PTBP3: variants seen among roughly 807,000 people sequenced by gnomAD.
PTBP3 encodes the protein polypyrimidine tract-binding protein 3.
A neutral mutation model predicts 58.7 loss-of-function variants in PTBP3; 20 were observed. That is an observed-to-expected ratio of 0.34 (90% CI 0.24 to 0.50). PTBP3 has a LOEUF of 0.50. Ranked by LOEUF, PTBP3 falls within the 20% of genes least tolerant of loss-of-function variation. The pLI, the probability that PTBP3 is intolerant of heterozygous loss-of-function variation, is 0.98. For missense variants in PTBP3, 509 were observed against 637.2 expected, an observed-to-expected ratio of 0.80 and a Z score of 2.17; for synonymous variants, 185 against 219.8, an observed-to-expected ratio of 0.84 and a Z score of 1.40.
chr9:112,262,414 A>T lies in PTBP3; in HGVS notation c.516+21T>A, dbSNP rs766618911. ...GGCCATATTTAACTTAACTTTCTTAAGGGTATTTATTCCTCCTTACCTGAT... is the reference window on the plus strand; with the variant it reads ...GGCCATATTTAACTTAACTTTCTTATGGGTATTTATTCCTCCTTACCTGAT... On this transcript the variant is annotated intron_variant, in intron 5 of 13. Coordinates refer to ENST00000374257, the MANE Select transcript of PTBP3 (RefSeq NM_001163788.4). The T allele has an allele frequency of 1.9e-6, 3 of 1,539,634 alleles. No homozygotes were observed. In the South Asian group the frequency reaches 3.9e-5, roughly 20 times the overall value.
chr9:112,279,045 A>G (rs1019673029), intron 2 of PTBP3, among the ~76,000 whole-genome samples: 4 of 152,174 alleles, frequency 2.6e-5, no homozygotes, highest in African/African-American at 7.2e-5. Context: ...TTATTACTAT[A>G]TGAAATCTCA....
chr9:112,372,563 T>C, the PTBP3 span, among the ~76,000 whole-genome samples: 2 of 152,200 alleles, frequency 1.3e-5, no homozygotes, highest in Admixed American at 1.3e-4. Context: ...AGTTACTCTC[T>C]ATTGCCCCCT....
At position 112,302,616 on chromosome 9, in the gene PTBP3, T is replaced by C. The variant is rs943238933; in HGVS notation, c.-51-4700A>G. ...TTTTTTTTTTTTTTTGGAGACAAGG[T>C]CTTGCTCTGTCACCCAGGCTGGAGT... is the stretch of plus-strand genomic sequence containing the variant. On this transcript the variant is annotated intron_variant, in intron 1 of 13. Coordinates refer to ENST00000374257, the MANE Select transcript of PTBP3 (RefSeq NM_001163788.4). Among the ~76,000 whole-genome samples, 4 of 121,198 alleles carry C rather than the reference T, an allele frequency of 3.3e-5. 1 individual carries two copies. The South Asian group carries it at 8.7e-4, about 26-fold the overall frequency. The allele number at this position is 121,198 out of a possible 152,430, so 79.5% of individuals were successfully genotyped here. A position where few individuals can be genotyped will look rare whatever the true frequency, so the allele number is the denominator to read the frequency against.
the PTBP3 span, among the ~76,000 whole-genome samples, chr9:112,352,594 C>T: frequency 3.3e-3 from 507 of 152,296 alleles, 1 homozygote; most frequent in African/African-American, 0.011. Flanking sequence ...TTAATTTTTC[C>T]GTGGTGCACC....
At chr9:112,230,866 T>G (rs900954895) in intron 10 of PTBP3, among the ~76,000 whole-genome samples, 2 of 152,208 alleles carry the variant, frequency 1.3e-5, no homozygotes, top group African/African-American at 4.8e-5. Context: ...ATTATACCAC[T>G]CTCTTGCCTT....
intron 4 of PTBP3, among the ~76,000 whole-genome samples, chr9:112,263,653 C>G (rs890494390): frequency 6.6e-6 from 1 of 152,196 alleles, no homozygotes; most frequent in African/African-American, 2.4e-5. Context: ...GTGATTCTAA[C>G]TGAATCCTTT....
chr9:112,223,692 C>CAA lies in PTBP3; in HGVS notation c.*157_*158dup, dbSNP rs375783669. The stretch of plus-strand genomic sequence containing the variant: ...TTGACTGGCGGGGGCAGGGGGAATA[C>CAA]AAAAAAAAAAAATCCCTTGATTTTT... On this transcript the variant is annotated 3_prime_UTR_variant, in exon 14 of 14. Transcript: ENST00000374257. The CAA allele has an allele frequency of 4.7e-4, 486 of 1,032,220 alleles. No homozygotes were observed. Among genetic ancestry groups the CAA allele is most frequent in the South Asian group, 1.6e-3 (66 of 40,174 alleles). The allele number at this position is 1,032,220 out of a possible 1,614,324, so 63.9% of individuals were successfully genotyped here.
intron 9 of PTBP3, 76 bp from the exon 10 acceptor site, chr9:112,231,489 G>T: frequency 8.3e-7 from 1 of 1,199,862 alleles, no homozygotes; most frequent in South Asian, 1.5e-5. Flanking sequence ...ATACTGTAAT[G>T]GCAGTTGATT....
rs1834740002 is a variant in PTBP3 at position 112,219,747 on chromosome 9, T to C, written c.*4104A>G. ...ATACTGATACTACTTTAGTCTCAAA[T>C]AGGAAGAAAAGGTCAATTAAGACTA... On this transcript the variant is annotated 3_prime_UTR_variant, in exon 14 of 14. Coordinates refer to ENST00000374257, the MANE Select transcript of PTBP3 (RefSeq NM_001163788.4). 3 of 152,908 alleles carry C rather than the reference T, an allele frequency of 2.0e-5. No individual in the cohort carries two copies. The highest frequency in any genetic ancestry group is 6.5e-5 in the Admixed American group (1 of 15,302). 9.5% of individuals were successfully genotyped at this position (152,908 alleles called of 1,614,324 possible).
chr9:112,221,576 C>T lies in PTBP3; in HGVS notation c.*2275G>A, dbSNP rs768661966. On this transcript the variant is annotated 3_prime_UTR_variant, in exon 14 of 14. Coordinates refer to ENST00000374257, the MANE Select transcript of PTBP3 (RefSeq NM_001163788.4). ...AAAAAGCAAGTTTTGGGAGATTTTG[C>T]AAAGAAATTTTTTTCCTCCTTCATA... 72 of 985,322 alleles carry T rather than the reference C, an allele frequency of 7.3e-5. No homozygotes were observed. Among genetic ancestry groups the T allele is most frequent in the Non-Finnish European group, 7.7e-5 (64 of 829,890 alleles). 61.0% of individuals were successfully genotyped at this position (985,322 alleles called of 1,614,324 possible).
At chr9:112,290,686 AAATATAT>A (rs1297961004) in intron 2 of PTBP3, among the ~76,000 whole-genome samples, 9 of 59,840 alleles carry the variant, frequency 1.5e-4, no homozygotes, top group East Asian at 3.1e-4. Flanking sequence ...AAAAAAAAAA[AAATATAT>A]ATATATATAT....
chr9:112,301,159 A>G (rs1412142286), intron 1 of PTBP3, among the ~76,000 whole-genome samples: 1 of 152,160 alleles, frequency 6.6e-6, no homozygotes, highest in Non-Finnish European at 1.5e-5. Flanking sequence ...CCTTAAGATC[A>G]ACAATAAAAA....
At chr9:112,274,186 A>C (rs1490703160) in intron 3 of PTBP3, among the ~76,000 whole-genome samples, 3 of 152,358 alleles carry the variant, frequency 2.0e-5, no homozygotes, top group Non-Finnish European at 4.4e-5. Flanking sequence ...ACTTCTCCAG[A>C]TCTTAGTAAC....
the PTBP3 span, among the ~76,000 whole-genome samples, chr9:112,344,699 T>A: frequency 6.6e-6 from 1 of 152,104 alleles, no homozygotes; most frequent in African/African-American, 2.4e-5. Context: ...TGTAGAAAAT[T>A]CAAAAGTATA....
chr9:112,364,918 C>A, the PTBP3 span, among the ~76,000 whole-genome samples: 1 of 152,074 alleles, frequency 6.6e-6, no homozygotes, highest in Non-Finnish European at 1.5e-5. Context: ...GTTTCAGTAC[C>A]GTGTAATCTA....
At chr9:112,314,500 G>A (rs922907939) in intron 1 of PTBP3, among the ~76,000 whole-genome samples, 4 of 151,962 alleles carry the variant, frequency 2.6e-5, no homozygotes, top group African/African-American at 9.7e-5. Flanking sequence ...GTTTGAGATC[G>A]GCCTGCACAA....
upstream of PTBP3, among the ~76,000 whole-genome samples, chr9:112,333,956 C>T (rs2132509962): frequency 6.6e-6 from 1 of 151,300 alleles, no homozygotes; most frequent in South Asian, 2.1e-4. Flanking sequence ...CCCGCGGCCC[C>T]GCGGGCCTTC....
chr9:112,252,369 A>T (rs1266844046), intron 6 of PTBP3: 1 of 322,488 alleles, frequency 3.1e-6, no homozygotes, highest in Non-Finnish European at 5.8e-6. Context: ...GCACGAGGGT[A>T]ATGATGGCTC....
At chr9:112,287,810 A>G (rs1345668269) in intron 2 of PTBP3, among the ~76,000 whole-genome samples, 1 of 151,876 alleles carries the variant, frequency 6.6e-6, no homozygotes, top group Non-Finnish European at 1.5e-5. Flanking sequence ...CTATGCTCAT[A>G]TTTTCCTTTA....
Sources: gnomAD v4.1 joint callset for allele counts (sites outside exome capture counted in the v4.1 genomes callset) on GRCh38, gnomAD v4.1.1 for gene constraint, MANE v1.5 for transcripts, NCBI Gene and HGNC (gene_info 2026-07-23, HGNC 2026-07-21) for gene names.